Variants in HIVEP3 observed in about 807,000 individuals in gnomAD.
HIVEP3 encodes the protein HIVEP zinc finger 3.
Under a neutral mutation model 152.8 loss-of-function variants are expected in HIVEP3, and 49 were observed. The ratio of observed to expected loss-of-function variants is 0.32; its 90% confidence interval spans 0.26 to 0.41. The LOEUF is 0.41. Ranked by LOEUF, HIVEP3 falls within the 10% of genes least tolerant of loss-of-function variation. The pLI, the probability that HIVEP3 is intolerant of heterozygous loss-of-function variation, is 1.00. For synonymous variants in HIVEP3, 1,269 were observed against 1,289.0 expected, an observed-to-expected ratio of 0.98 and a Z score of 0.33; for missense variants, 2,790 against 3,103.3, an observed-to-expected ratio of 0.90 and a Z score of 2.40.
At chr1:41,833,513 AG>A (rs1643026560) in intron 1 of HIVEP3, among the ~76,000 whole-genome samples, 1 of 152,222 alleles carries the variant, frequency 6.6e-6, no homozygotes, top group Admixed American at 6.5e-5. Flanking sequence ...TTTAGTCCAA[AG>A]CACAAAGGCA....
At chr1:41,627,499 C>T (rs1311320860) in intron 3 of HIVEP3, among the ~76,000 whole-genome samples, 1 of 152,138 alleles carries the variant, frequency 6.6e-6, no homozygotes, top group African/African-American at 2.4e-5. Flanking sequence ...CTCAGGAGAA[C>T]CCTGGTCTAG....
upstream of HIVEP3, among the ~76,000 whole-genome samples, chr1:41,920,013 C>T (rs909212591): frequency 2.0e-5 from 3 of 152,192 alleles, no homozygotes; most frequent in Non-Finnish European, 4.4e-5. Flanking sequence ...ACAGCCCATT[C>T]CCTCCCTTGC....
intron 2 of HIVEP3, among the ~76,000 whole-genome samples, chr1:41,658,396 A>C (rs1645660071): frequency 1.3e-5 from 2 of 152,126 alleles, no homozygotes; most frequent in South Asian, 4.1e-4. Context: ...TCAACCTAAT[A>C]GTTATTAAAA....
chr1:41,776,703 G>A (rs561705864), intron 1 of HIVEP3, among the ~76,000 whole-genome samples: 1 of 152,364 alleles, frequency 6.6e-6, no homozygotes, highest in South Asian at 2.1e-4. Flanking sequence ...AGCAAAGAAG[G>A]TGTTTCCCTC....
At chr1:41,663,339 C>T (rs371238532) in intron 2 of HIVEP3, among the ~76,000 whole-genome samples, 11 of 152,336 alleles carry the variant, frequency 7.2e-5, no homozygotes, top group African/African-American at 2.6e-4. Flanking sequence ...GGGGTTAAGC[C>T]AGGACTAGAG....
intron 1 of HIVEP3, among the ~76,000 whole-genome samples, chr1:41,744,008 C>T (rs929556557): frequency 6.6e-6 from 1 of 152,034 alleles, no homozygotes; most frequent in African/African-American, 2.4e-5. Flanking sequence ...AGAATCTTTC[C>T]CTTCTGACTT....
In HIVEP3 at chr1:41,838,559, C is replaced by T. The variant is rs555637281; in HGVS notation, c.-801+79854G>A. Among the ~76,000 whole-genome samples, 6 of 152,160 alleles carry T rather than the reference C, an allele frequency of 3.9e-5. No individual in the cohort carries two copies. In the South Asian group the frequency reaches 1.2e-3, roughly 32 times the overall value. On this transcript the variant is annotated intron_variant, in intron 1 of 8. Coordinates refer to ENST00000372583, the MANE Select transcript of HIVEP3 (RefSeq NM_024503.5). The stretch of plus-strand genomic sequence containing the variant: ...TCTCGTCCTTACCCATAAATGGCAC[C>T]CTGATTTTTTAGGACCTGCTTTCTA...
upstream of HIVEP3, among the ~76,000 whole-genome samples, chr1:41,920,865 C>T (rs1052980310): frequency 6.6e-6 from 1 of 152,148 alleles, no homozygotes; most frequent in Admixed American, 6.6e-5. Flanking sequence ...AATCTTAGTC[C>T]CTCCTGCTGT....
intron 2 of HIVEP3, among the ~76,000 whole-genome samples, chr1:41,634,937 C>A (rs537584233): frequency 2.7e-4 from 41 of 152,192 alleles, no homozygotes; most frequent in African/African-American, 8.4e-4. Context: ...GTATAAGTAA[C>A]CTCCAAAGAA....
chr1:41,591,118 C>T (rs897154521), intron 3 of HIVEP3, among the ~76,000 whole-genome samples: 1 of 152,172 alleles, frequency 6.6e-6, no homozygotes. Flanking sequence ...GAGGGGCTGT[C>T]ATGGCTGTGT....
At chr1:41,669,818 G>A (rs1411801759) in intron 2 of HIVEP3, among the ~76,000 whole-genome samples, 1 of 152,142 alleles carries the variant, frequency 6.6e-6, no homozygotes, top group Non-Finnish European at 1.5e-5. Context: ...ATAAGCACAT[G>A]AGCTAATTAT....
Position 41,581,173 on chromosome 1 carries a change from TGA to T in HIVEP3, c.3623_3624del (p.Leu1208HisfsTer45). 6.5e-7 allele frequency: 1 copy of T among 1,548,400 alleles called. No homozygotes were observed. The highest frequency in any genetic ancestry group is 1.3e-5 in the South Asian group (1 of 79,812). On this transcript the variant is annotated frameshift_variant, in exon 4 of 9. Transcript: ENST00000372583. LOFTEE classifies it high-confidence loss of function. This position sits in a 1 kb window ranked among gnomAD's most constrained non-coding sequence, Gnocchi z 4.5. ...AAGGGGATGTTGGCTGGGTGAGGCA[TGA>T]GCTGGGGGAGATGGAGTTGGCCTGG... Reference protein sequence around the residue: ...LHPGQLHLPQLMPHPANIPFR... With the variant: ...LHPGQLHLPQXMPHPANIPFR...
At chr1:41,955,699 C>T (rs1645136785) in intron 1 of HIVEP3, among the ~76,000 whole-genome samples, 1 of 152,232 alleles carries the variant, frequency 6.6e-6, no homozygotes, top group African/African-American at 2.4e-5. Flanking sequence ...TCATTTTTGT[C>T]CTTTCTTTAA....
intron 2 of HIVEP3, among the ~76,000 whole-genome samples, chr1:41,669,453 G>A (rs555912054): frequency 7.9e-5 from 12 of 152,330 alleles, no homozygotes; most frequent in Admixed American, 7.8e-4. Flanking sequence ...AGGTATGTCT[G>A]TGGGGGTGTT....
intron 1 of HIVEP3, among the ~76,000 whole-genome samples, chr1:41,943,423 T>C (rs1645057978): frequency 6.6e-6 from 1 of 152,220 alleles, no homozygotes; most frequent in Non-Finnish European, 1.5e-5. Flanking sequence ...CAAAGTAATC[T>C]ATAAAAATCA....
chr1:41,883,655 C>A (rs957090697), intron 1 of HIVEP3, among the ~76,000 whole-genome samples: 1 of 152,230 alleles, frequency 6.6e-6, no homozygotes, highest in African/African-American at 2.4e-5. Context: ...AGCCTGCCCC[C>A]TCAATGCCTG....
intron 2 of HIVEP3, among the ~76,000 whole-genome samples, chr1:41,665,165 CAG>C (rs890457009): frequency 7.9e-5 from 12 of 152,170 alleles, no homozygotes; most frequent in Non-Finnish European, 1.3e-4. Flanking sequence ...ACTCCAGCCT[CAG>C]AGCTCAGAGA....
chr1:41,732,314 C>T (rs1005025634), intron 1 of HIVEP3, among the ~76,000 whole-genome samples: 11 of 152,186 alleles, frequency 7.2e-5, no homozygotes, highest in Middle Eastern at 3.4e-3. Flanking sequence ...GATATGGAAA[C>T]GGAGATTAAG....
intron 2 of HIVEP3, among the ~76,000 whole-genome samples, chr1:41,667,714 C>T (rs1558163337): frequency 6.6e-6 from 1 of 152,222 alleles, no homozygotes. Context: ...CTTAACTCCC[C>T]TATACCTCAG....
Sources: allele counts gnomAD v4.1 joint callset (sites outside exome capture counted in the v4.1 genomes callset), GRCh38; gene constraint gnomAD v4.1.1; non-coding constraint Gnocchi (gnomAD v3.1); transcripts MANE v1.5; gene names NCBI Gene and HGNC (gene_info 2026-07-23, HGNC 2026-07-21).